The following ANKRD13B variants were observed in gnomAD, a reference collection of about 807,000 sequenced individuals.
ANKRD13B encodes the protein ankyrin repeat domain-containing protein 13B.
Under a neutral mutation model 74.4 loss-of-function variants are expected in ANKRD13B, and 33 were observed. The observed-to-expected ratio is 0.44, with a 90% CI of 0.34 to 0.59. ANKRD13B has a LOEUF of 0.59. Among genes scored for constraint, ANKRD13B ranks in the 20% least tolerant of loss-of-function variants. The pLI, the probability that ANKRD13B is intolerant of heterozygous loss-of-function variation, is 0.02. For missense variants in ANKRD13B, 676 were observed against 877.9 expected (o/e 0.77, Z 2.91); for synonymous variants, 341 against 362.9 (o/e 0.94, Z 0.68).
chr17:29,603,138 C>T (rs539530876), intron 1 of ANKRD13B, among the ~76,000 whole-genome samples: 6 of 152,124 alleles, frequency 3.9e-5, no homozygotes, highest in South Asian at 2.1e-4. Flanking sequence ...CGTGAGCCAC[C>T]GCACCCGGCC....
In ANKRD13B at chr17:29,607,759, G is replaced by A; in HGVS notation, c.132G>A (p.Leu44=). 1.2e-6 allele frequency: 2 copies of A among 1,600,012 alleles called. No homozygotes were observed. The highest frequency in any genetic ancestry group is 1.7e-6 in the Non-Finnish European group (2 of 1,179,402). The part of the protein sequence containing the change: ...VRAGQVDIEQ[L]DPRGRTPLHL... ...TCCTCCAGGTGGACATCGAGCAGCTGGATCCCCGCGGCCGGACTCCCCTGC... is the reference window on the plus strand; with the variant it reads ...TCCTCCAGGTGGACATCGAGCAGCTAGATCCCCGCGGCCGGACTCCCCTGC... The change falls in exon 2 of 15, where the codon CTG becomes CTA. Residue 44 remains leucine, a synonymous_variant. Transcript: ENST00000394859.
chr17:29,598,333 G>A (rs1212770452), intron 1 of ANKRD13B, among the ~76,000 whole-genome samples: 1 of 152,102 alleles, frequency 6.6e-6, no homozygotes, highest in Non-Finnish European at 1.5e-5. Context: ...TGGAGTTCAT[G>A]GTCATGCTTT....
chr17:29,598,092 T>C (rs2150874246), intron 1 of ANKRD13B, among the ~76,000 whole-genome samples: 2 of 152,000 alleles, frequency 1.3e-5, no homozygotes, highest in Middle Eastern at 3.4e-3. Flanking sequence ...GCTGCCGGGC[T>C]CAGGACCCCA....
chr17:29,602,365 A>C lies in ANKRD13B; in HGVS notation c.115-5377A>C, dbSNP rs550487733. ...AGCTGAGATCACGCCACTGCACTCC[A>C]GCCTGGGCGACAGAGTGAGATTCCA... On this transcript the variant is annotated intron_variant, in intron 1 of 14. Coordinates refer to ENST00000394859, the MANE Select transcript of ANKRD13B (RefSeq NM_152345.5). Among the ~76,000 whole-genome samples, 142 of 149,642 alleles carry C rather than the reference A, an allele frequency of 9.5e-4. 1 individual carries two copies. Among genetic ancestry groups the C allele is most frequent in the Non-Finnish European group, 1.8e-3 (121 of 67,730 alleles).
chr17:29,613,343 C>T lies in ANKRD13B; in HGVS notation c.1653-11C>T. ...GCCCGGGAGCCCGCGACATTCCTTCCCCACCCCCAGGAGCGCCCCGCCCAC... is the reference window on the plus strand; with the variant it reads ...GCCCGGGAGCCCGCGACATTCCTTCTCCACCCCCAGGAGCGCCCCGCCCAC... On this transcript the variant is annotated splice_polypyrimidine_tract_variant and intron_variant, in intron 14 of 14. Coordinates refer to ENST00000394859, the MANE Select transcript of ANKRD13B (RefSeq NM_152345.5). 3 of 1,427,728 alleles carry T rather than the reference C, an allele frequency of 2.1e-6. No individual in the cohort carries two copies. The highest frequency in any genetic ancestry group is 2.7e-6 in the Non-Finnish European group (3 of 1,100,710). The allele number at this position is 1,427,728 out of a possible 1,614,324, so 88.4% of individuals were successfully genotyped here. A position where few individuals can be genotyped will look rare whatever the true frequency, so the allele number is the denominator to read the frequency against.
At chr17:29,603,168 T>A (rs997841907) in intron 1 of ANKRD13B, among the ~76,000 whole-genome samples, 4 of 152,126 alleles carry the variant, frequency 2.6e-5, no homozygotes, top group Non-Finnish European at 5.9e-5. Flanking sequence ...AAATTTGTCT[T>A]ATTTGTCCTA....
At chr17:29,606,096 G>A (rs898371736) in intron 1 of ANKRD13B, among the ~76,000 whole-genome samples, 3 of 151,326 alleles carry the variant, frequency 2.0e-5, no homozygotes, top group Admixed American at 2.0e-4. Flanking sequence ...ATTTTTAGTA[G>A]AGATGGGGTT....
In ANKRD13B at chr17:29,593,544, C is replaced by A; in HGVS notation, c.-78C>A. On this transcript the variant is annotated 5_prime_UTR_variant, in exon 1 of 15. Transcript: ENST00000394859. ...GAGCAGGCAGCGCCGGCCCCCCGCCCCGCGGCCCCGGGCCCCGGCTCCGGC... is the reference window on the plus strand; with the variant it reads ...GAGCAGGCAGCGCCGGCCCCCCGCCACGCGGCCCCGGGCCCCGGCTCCGGC... The A allele has an allele frequency of 1.7e-6, 1 of 605,218 alleles. No homozygotes were observed. The highest frequency in any genetic ancestry group is 7.0e-5 in the South Asian group (1 of 14,234). The allele number at this position is 605,218 out of a possible 1,614,324, so 37.5% of individuals were successfully genotyped here.
rs540133401 is a variant in ANKRD13B at position 29,611,216 on chromosome 17, A to G, written c.905-363A>G. Among the ~76,000 whole-genome samples, 30 of 152,296 alleles carry G rather than the reference A, an allele frequency of 2.0e-4. No individual in the cohort carries two copies. The South Asian group carries it at 6.0e-3, about 31-fold the overall frequency. ...TTCTACCTCACAGGGGAACAACATG[A>G]AATCATGCCTATGGAAGTGCCTGAA... is the stretch of plus-strand genomic sequence containing the variant. On this transcript the variant is annotated intron_variant, in intron 8 of 14. Transcript: ENST00000394859. The surrounding 1 kb of genome is among the most constrained non-coding windows in gnomAD (Gnocchi z 4.3).
intron 1 of ANKRD13B, among the ~76,000 whole-genome samples, chr17:29,599,215 C>T (rs529903620): frequency 1.3e-4 from 20 of 152,172 alleles, no homozygotes; most frequent in African/African-American, 4.1e-4. Flanking sequence ...AGGCCATTGG[C>T]GAAGGGTGGA....
In ANKRD13B at chr17:29,611,709, A is replaced by G; in HGVS notation, c.969+66A>G. Reference sequence around the variant, plus strand: ...ATGTGGCTCAGGAGGAGGCTTGGGAAGCGTCCTGCTTAGCATGGCCTATGT... The same window carrying G: ...ATGTGGCTCAGGAGGAGGCTTGGGAGGCGTCCTGCTTAGCATGGCCTATGT... On this transcript the variant is annotated intron_variant, in intron 9 of 14. Transcript: ENST00000394859. The surrounding 1 kb of genome is among the most constrained non-coding windows in gnomAD (Gnocchi z 4.3). 1 of 1,596,238 alleles carries G rather than the reference A, an allele frequency of 6.3e-7. No homozygotes were observed. The highest frequency in any genetic ancestry group is 8.6e-7 in the Non-Finnish European group (1 of 1,164,214).
chr17:29,608,279 C>CT lies in ANKRD13B; in HGVS notation c.421+42dup. On this transcript the variant is annotated intron_variant, in intron 4 of 14. Coordinates refer to ENST00000394859, the MANE Select transcript of ANKRD13B (RefSeq NM_152345.5). This position sits in a 1 kb window ranked among gnomAD's most constrained non-coding sequence, Gnocchi z 6.4. Reference sequence around the variant, plus strand: ...AGCAGGTCGCTTCTGGGCTCTCCCACTTTAGGTCCTGCGCTTGCTCCCCTG... The same window carrying CT: ...AGCAGGTCGCTTCTGGGCTCTCCCACTTTTAGGTCCTGCGCTTGCTCCCCTG... The CT allele has an allele frequency of 6.2e-7, 1 of 1,613,156 alleles. No individual in the cohort carries two copies. The highest frequency in any genetic ancestry group is 8.5e-7 in the Non-Finnish European group (1 of 1,179,418).
chr17:29,609,619 GCACACA>G lies in ANKRD13B; in HGVS notation c.822+209_822+214del, dbSNP rs140086609. On this transcript the variant is annotated intron_variant, in intron 7 of 14. Coordinates refer to ENST00000394859, the MANE Select transcript of ANKRD13B (RefSeq NM_152345.5). The surrounding 1 kb of genome is among the most constrained non-coding windows in gnomAD (Gnocchi z 4.0). ...ATGTATACACAGGGCACGTGCACAC[GCACACA>G]CACACACACATTTATTCCTCACAGC... Among the ~76,000 whole-genome samples, 2 of 151,628 alleles carry G rather than the reference GCACACA, an allele frequency of 1.3e-5. No individual in the cohort carries two copies. Among genetic ancestry groups the G allele is most frequent in the South Asian group, 2.1e-4 (1 of 4,808 alleles).
intron 1 of ANKRD13B, among the ~76,000 whole-genome samples, chr17:29,604,472 G>T (rs1231252813): frequency 1.3e-5 from 2 of 151,636 alleles, no homozygotes; most frequent in Non-Finnish European, 2.9e-5. Flanking sequence ...GCCTCCCAAA[G>T]TGCTGGGATT....
intron 1 of ANKRD13B, among the ~76,000 whole-genome samples, chr17:29,606,265 ACTTATG>A (rs1367295337): frequency 2.0e-5 from 3 of 151,166 alleles, no homozygotes; most frequent in African/African-American, 7.3e-5. Context: ...ATATTTAAAT[ACTTATG>A]CTTAAGACCG....
chr17:29,611,324 G>A lies in ANKRD13B; in HGVS notation c.905-255G>A, dbSNP rs905886705. ...TGTCCAGGGTCACCGAGCTGGAGAG[G>A]AGCACTTTTGGAAGTTGCTTCTGAC... On this transcript the variant is annotated intron_variant, in intron 8 of 14. Transcript: ENST00000394859. The surrounding 1 kb of genome is among the most constrained non-coding windows in gnomAD (Gnocchi z 4.3). Among the ~76,000 whole-genome samples, 1 of 152,224 alleles carries A rather than the reference G, an allele frequency of 6.6e-6. No homozygotes were observed. The highest frequency in any genetic ancestry group is 2.4e-5 in the African/African-American group (1 of 41,466).
chr17:29,593,889 A>T, intron 1 of ANKRD13B, 154 bp downstream of exon 1: 17 of 134,546 alleles, frequency 1.3e-4, no homozygotes, highest in Admixed American at 3.2e-4. Flanking sequence ...TGACCGGGAA[A>T]GGGTGATCCC....
chr17:29,593,895 A>ATGC, intron 1 of ANKRD13B, 160 bp downstream of exon 1: 1 of 310,538 alleles, frequency 3.2e-6, no homozygotes, highest in East Asian at 5.7e-5. Context: ...GGAAAGGGTG[A>ATGC]TCCCCTCCGG....
At chr17:29,599,894 T>TTTG (rs869125698) in intron 1 of ANKRD13B, among the ~76,000 whole-genome samples, 1 of 143,510 alleles carries the variant, frequency 7.0e-6, no homozygotes, top group Non-Finnish European at 1.5e-5. Context: ...TTTTTTTTTT[T>TTTG]GATACGGAGT....
Sources: gnomAD v4.1 joint callset for allele counts (sites outside exome capture counted in the v4.1 genomes callset) on GRCh38, gnomAD v4.1.1 for gene constraint, Gnocchi (gnomAD v3.1) non-coding constraint, MANE v1.5 for transcripts, NCBI Gene and HGNC (gene_info 2026-07-23, HGNC 2026-07-21) for gene names.